Variants in RECK observed in about 807,000 individuals in gnomAD.
RECK encodes the protein reversion-inducing cysteine-rich protein with Kazal motifs.
A neutral mutation model predicts 115.1 loss-of-function variants in RECK; 69 were observed. That is an observed-to-expected ratio of 0.60 (90% confidence interval 0.49 to 0.73). RECK has a LOEUF of 0.73. Among genes scored for constraint, RECK ranks in the 30% least tolerant of loss-of-function variants. The pLI, the probability that RECK is intolerant of heterozygous loss-of-function variation, is 0.00. For missense variants in RECK, 1,047 were observed against 1,203.7 expected, an observed-to-expected ratio of 0.87 and a Z score of 1.93; for synonymous variants, 414 against 419.7, an observed-to-expected ratio of 0.99 and a Z score of 0.17.
intron 8 of RECK, 69 bp downstream of exon 8, chr9:36,083,631 GTTC>G (rs1439822526): frequency 6.8e-7 from 1 of 1,476,612 alleles, no homozygotes; most frequent in Non-Finnish European, 9.2e-7. Flanking sequence ...GAAGTGATAC[GTTC>G]TTGTAGATAT....
chr9:36,045,618 A>G (rs1487179417), intron 1 of RECK, among the ~76,000 whole-genome samples: 2 of 151,120 alleles, frequency 1.3e-5, no homozygotes, highest in African/African-American at 4.9e-5. Flanking sequence ...TTTTTAGGAA[A>G]CAAGAATTGC....
intron 17 of RECK, 132 bp from the exon 18 acceptor site, chr9:36,118,625 C>A: frequency 1.2e-6 from 1 of 829,420 alleles, no homozygotes; most frequent in South Asian, 1.8e-5. Flanking sequence ...ACCTCAGGAA[C>A]TTAAGAGGTC....
chr9:36,043,126 G>C (rs1259072405), intron 1 of RECK, among the ~76,000 whole-genome samples: 1 of 133,122 alleles, frequency 7.5e-6, no homozygotes, highest in Non-Finnish European at 1.5e-5. Context: ...CCGGGTTCAC[G>C]CCATTCTCCT....
chr9:36,053,333 T>G (rs1430912245), intron 2 of RECK, among the ~76,000 whole-genome samples: 1 of 152,184 alleles, frequency 6.6e-6, no homozygotes, highest in Non-Finnish European at 1.5e-5. Flanking sequence ...CAATCATCTT[T>G]TAGAGGAGTC....
At chr9:36,089,031 T>A (rs80325406) in intron 9 of RECK, among the ~76,000 whole-genome samples, 5,992 of 151,990 alleles carry the variant, frequency 0.039, 382 homozygotes, top group African/African-American at 0.13. Flanking sequence ...CAAAATAAAT[T>A]AATTAATTAA....
intron 9 of RECK, among the ~76,000 whole-genome samples, chr9:36,088,883 T>G (rs1238490363): frequency 1.3e-5 from 2 of 152,072 alleles, no homozygotes; most frequent in Non-Finnish European, 2.9e-5. Context: ...TAGCGGGGCG[T>G]GGTGGCACAT....
chr9:36,111,651 C>T (rs1486500876), intron 15 of RECK, among the ~76,000 whole-genome samples: 2 of 152,160 alleles, frequency 1.3e-5, no homozygotes, highest in South Asian at 2.1e-4. Flanking sequence ...ACCTCAGCCT[C>T]TCAAAGTGCT....
chr9:36,074,467 G>A (rs1822369672), intron 6 of RECK, among the ~76,000 whole-genome samples: 1 of 152,290 alleles, frequency 6.6e-6, no homozygotes, highest in East Asian at 1.9e-4. Context: ...ACAATACAGT[G>A]AGACAAGTAC....
At chr9:36,082,142 C>T (rs1017363739) in intron 7 of RECK, among the ~76,000 whole-genome samples, 1 of 145,526 alleles carries the variant, frequency 6.9e-6, no homozygotes, top group African/African-American at 2.5e-5. Flanking sequence ...TCAAGAATTT[C>T]CTCCCTGCTT....
At chr9:36,121,746 G>C (rs1224643660) in intron 20 of RECK, 58 bp downstream of exon 20, 2 of 1,568,840 alleles carry the variant, frequency 1.3e-6, no homozygotes, top group South Asian at 1.1e-5. Flanking sequence ...GTGCACCTAG[G>C]AGGGAGTGGG....
chr9:36,098,973 C>T (rs1320882647), intron 10 of RECK, among the ~76,000 whole-genome samples: 1 of 152,118 alleles, frequency 6.6e-6, no homozygotes, highest in Non-Finnish European at 1.5e-5. Flanking sequence ...CACCTATAAT[C>T]CCAACACTTT....
At chr9:36,116,864 A>C in intron 16 of RECK, 121 bp from the exon 17 acceptor site, 1 of 710,384 alleles carries the variant, frequency 1.4e-6, no homozygotes, top group Non-Finnish European at 2.3e-6. Context: ...CTTTGGAGAC[A>C]GGACTGTCCT....
At chr9:36,051,298 GGTCAA>G (rs1369409145) in intron 1 of RECK, among the ~76,000 whole-genome samples, 1 of 152,092 alleles carries the variant, frequency 6.6e-6, no homozygotes, top group Non-Finnish European at 1.5e-5. Context: ...CTGTAAAGAA[GGTCAA>G]GTCTTTTCCA....
Position 36,123,372 on chromosome 9 carries a change from T to TTTTTTTTTTTTTTTTG in RECK, c.*327_*328insTTTTTTTTTTTTTTTG. 4.3e-6 allele frequency: 1 copy of TTTTTTTTTTTTTTTTG among 230,738 alleles called. No homozygotes were observed. 14.3% of individuals were successfully genotyped at this position (230,738 alleles called of 1,614,324 possible). On this transcript the variant is annotated 3_prime_UTR_variant, in exon 21 of 21. Coordinates refer to ENST00000377966, the MANE Select transcript of RECK (RefSeq NM_021111.3). ...GCTGGGAAATGAGATGACCACTTTT[T>TTTTTTTTTTTTTTTTG]AGAAAGATAATTCACTGTACTATCA... is the stretch of plus-strand genomic sequence containing the variant.
chr9:36,101,242 C>T (rs891967605), intron 11 of RECK, among the ~76,000 whole-genome samples: 2 of 152,108 alleles, frequency 1.3e-5, no homozygotes, highest in African/African-American at 2.4e-5. Flanking sequence ...TGAGCCACTG[C>T]GCCCAGCCGA....
chr9:36,066,789 T>C (rs944878370), intron 6 of RECK: 7 of 1,288,316 alleles, frequency 5.4e-6, no homozygotes, highest in Admixed American at 2.3e-5. Context: ...GTTATTTTAG[T>C]GTGCTTCCTT....
intron 7 of RECK, among the ~76,000 whole-genome samples, chr9:36,080,976 G>C (rs1822658941): frequency 6.6e-6 from 1 of 152,188 alleles, no homozygotes; most frequent in Admixed American, 6.5e-5. Context: ...ATCTGTGGAG[G>C]ACACGACCTG....
At chr9:36,060,575 C>G (rs1821715953) in intron 4 of RECK, among the ~76,000 whole-genome samples, 1 of 152,090 alleles carries the variant, frequency 6.6e-6, no homozygotes, top group Admixed American at 6.6e-5. Flanking sequence ...CTCTCTTTGA[C>G]TTTCTTGAAA....
At chr9:36,060,008 G>A (rs1453761653) in intron 3 of RECK, 111 bp from the exon 4 acceptor site, 4 of 931,836 alleles carry the variant, frequency 4.3e-6, no homozygotes, top group Non-Finnish European at 5.2e-6. Flanking sequence ...AACATTGACT[G>A]TGTAGACATA....
Sources: allele counts gnomAD v4.1 joint callset (sites outside exome capture counted in the v4.1 genomes callset), GRCh38; gene constraint gnomAD v4.1.1; transcripts MANE v1.5; gene names NCBI Gene and HGNC (gene_info 2026-07-23, HGNC 2026-07-21).